The following CNTNAP2 variants were observed in gnomAD, a reference collection of about 807,000 sequenced individuals.
The protein encoded by CNTNAP2 is contactin associated protein 2.
In CNTNAP2, 98 loss-of-function variants were observed where a neutral mutation model predicts 155.2. That is an observed-to-expected ratio of 0.63 (90% CI 0.54 to 0.75). The LOEUF (loss-of-function observed/expected upper bound fraction) is 0.75. CNTNAP2 is among the 30% of genes least tolerant of loss of function. CNTNAP2 has a pLI of 0.00. For synonymous variants in CNTNAP2, 651 were observed against 631.2 expected (o/e 1.03, Z -0.47); for missense variants, 1,727 against 1,688.1 (o/e 1.02, Z -0.40).
chr7:147,626,634 G>A (rs1048611929), intron 12 of CNTNAP2, among the ~76,000 whole-genome samples: 1 of 152,116 alleles, frequency 6.6e-6, no homozygotes, highest in Non-Finnish European at 1.5e-5. Context: ...GGCCAAGTTA[G>A]GGCAAGCTTA....
intron 13 of CNTNAP2, among the ~76,000 whole-genome samples, chr7:147,880,005 T>A (rs1799491742): frequency 6.6e-6 from 1 of 152,180 alleles, no homozygotes. Flanking sequence ...TTGAAAACAG[T>A]GGTGATGAGA....
chr7:146,273,080 A>AGAG (rs1800107560), intron 1 of CNTNAP2, among the ~76,000 whole-genome samples: 3 of 127,146 alleles, frequency 2.4e-5, no homozygotes, highest in South Asian at 4.7e-4. Flanking sequence ...GGGTGAGAGA[A>AGAG]AGAGAAAGAG....
intron 1 of CNTNAP2, among the ~76,000 whole-genome samples, chr7:146,396,940 A>G (rs1795636924): frequency 6.6e-6 from 1 of 152,122 alleles, no homozygotes; most frequent in African/African-American, 2.4e-5. Flanking sequence ...CTTATCTGAG[A>G]AGCATAGCAA....
chr7:146,557,482 A>G (rs551328173), intron 1 of CNTNAP2, among the ~76,000 whole-genome samples: 1 of 152,212 alleles, frequency 6.6e-6, no homozygotes, highest in African/African-American at 2.4e-5. Context: ...ATTAGAGTAT[A>G]CAGTTAAGTG....
At chr7:146,181,876 G>A (rs1001387365) in intron 1 of CNTNAP2, among the ~76,000 whole-genome samples, 1 of 152,094 alleles carries the variant, frequency 6.6e-6, no homozygotes, top group Non-Finnish European at 1.5e-5. Flanking sequence ...AGAGTGCATG[G>A]CACTCTTGAT....
intron 9 of CNTNAP2, among the ~76,000 whole-genome samples, chr7:147,311,278 A>G (rs1795121163): frequency 6.6e-6 from 1 of 152,188 alleles, no homozygotes. Flanking sequence ...CAGACAATCA[A>G]AAGATTTATT....
At chr7:146,821,135 C>G (rs1237727871) in intron 2 of CNTNAP2, among the ~76,000 whole-genome samples, 2 of 152,104 alleles carry the variant, frequency 1.3e-5, no homozygotes, top group African/African-American at 4.8e-5. Flanking sequence ...CAGTCTGTGT[C>G]TTTTAATTGG....
At chr7:146,673,388 A>G (rs1363893669) in intron 1 of CNTNAP2, among the ~76,000 whole-genome samples, 1 of 152,238 alleles carries the variant, frequency 6.6e-6, no homozygotes, top group East Asian at 1.9e-4. Context: ...TACATTCTAT[A>G]TATAATAGTT....
chr7:147,054,687 C>T (rs527547698), intron 4 of CNTNAP2, among the ~76,000 whole-genome samples: 1 of 152,030 alleles, frequency 6.6e-6, no homozygotes, highest in Admixed American at 6.6e-5. Flanking sequence ...TTTAAGATGG[C>T]AGTAATTGTC....
At chr7:146,861,102 C>T (rs1795089357) in intron 3 of CNTNAP2, among the ~76,000 whole-genome samples, 1 of 152,030 alleles carries the variant, frequency 6.6e-6, no homozygotes. Context: ...ATCCTATTTC[C>T]CAGGCTGGAG....
intron 21 of CNTNAP2, among the ~76,000 whole-genome samples, chr7:148,382,887 C>T (rs1192040540): frequency 6.6e-6 from 1 of 152,200 alleles, no homozygotes; most frequent in African/African-American, 2.4e-5. Context: ...GAACAGAGGG[C>T]CATTGATTTA....
intron 4 of CNTNAP2, among the ~76,000 whole-genome samples, chr7:147,056,212 T>C (rs111863142): frequency 2.7e-4 from 41 of 152,312 alleles, no homozygotes; most frequent in African/African-American, 6.3e-4. Context: ...TTCCCTGTTA[T>C]AAAAATTATT....
chr7:146,121,167 C>T (rs1213376617), intron 1 of CNTNAP2, among the ~76,000 whole-genome samples: 1 of 116,934 alleles, frequency 8.6e-6, no homozygotes, highest in Non-Finnish European at 1.6e-5. Context: ...CTTGCTCTGT[C>T]GCCCAGGCTG....
chr7:146,957,886 A>C (rs1294235491), intron 3 of CNTNAP2, among the ~76,000 whole-genome samples: 11 of 152,228 alleles, frequency 7.2e-5, no homozygotes, highest in Non-Finnish European at 2.9e-5. Flanking sequence ...GGACTTATCA[A>C]GAATGATAAT....
rs910026293 is a variant in CNTNAP2, at chr7:148,266,690, C to A, written c.3382-343C>A. ...TCATTGCTGTAGATGTGGCATATTC[C>A]CTATCAGAGGCTGACACTGGAGATT... On this transcript the variant is annotated intron_variant, in intron 20 of 23. Coordinates refer to ENST00000361727, the MANE Select transcript of CNTNAP2 (RefSeq NM_014141.6). Among the ~76,000 whole-genome samples the A allele has an allele frequency of 2.0e-5, 3 of 151,998 alleles. No homozygotes were observed. In the East Asian group the frequency reaches 5.8e-4, roughly 29 times the overall value.
chr7:147,626,820 C>A (rs9886240), intron 12 of CNTNAP2, among the ~76,000 whole-genome samples: 3 of 152,010 alleles, frequency 2.0e-5, no homozygotes, highest in African/African-American at 4.8e-5. Context: ...AGTTCCTGAG[C>A]GTGTCCCTGT....
At chr7:147,014,645 C>G (rs1038955156) in intron 3 of CNTNAP2, among the ~76,000 whole-genome samples, 1 of 152,138 alleles carries the variant, frequency 6.6e-6, no homozygotes, top group Non-Finnish European at 1.5e-5. Context: ...ACCTCCCACC[C>G]AACAAAACTG....
intron 1 of CNTNAP2, among the ~76,000 whole-genome samples, chr7:146,480,411 G>A (rs1796941512): frequency 6.6e-6 from 1 of 151,852 alleles, no homozygotes. Context: ...CAATGTATAT[G>A]ATTATATATC....
rs139889614 is a variant in CNTNAP2, at chr7:147,931,269, TAAAA to T, written c.2255+27555_2255+27558del. 1.3e-4 allele frequency among the ~76,000 whole-genome samples: 17 copies of T among 132,736 alleles called. No individual in the cohort carries two copies. The East Asian group carries it at 3.6e-3, about 28-fold the overall frequency. The allele number at this position is 132,736 out of a possible 152,430, so 87.1% of individuals were successfully genotyped here. A position where few individuals can be genotyped will look rare whatever the true frequency, so the allele number is the denominator to read the frequency against. On this transcript the variant is annotated intron_variant, in intron 14 of 23. Coordinates refer to ENST00000361727, the MANE Select transcript of CNTNAP2 (RefSeq NM_014141.6). ...AAAAAGATAAACAAAATTGACAAACTAAAAAAAAAAGAGAAAAAAACTCAAATAA... is the reference window on the plus strand; with the variant it reads ...AAAAAGATAAACAAAATTGACAAACTAAAAAAGAGAAAAAAACTCAAATAA...
Sources: gnomAD v4.1 joint callset for allele counts (sites outside exome capture counted in the v4.1 genomes callset) on GRCh38, gnomAD v4.1.1 for gene constraint, MANE v1.5 for transcripts, NCBI Gene and HGNC (gene_info 2026-07-23, HGNC 2026-07-21) for gene names.